The following CLMP variants were observed in gnomAD, a reference collection of about 807,000 sequenced individuals.
CLMP encodes CXADR-like membrane protein.
A neutral mutation model predicts 45.2 loss-of-function variants in CLMP; 27 were observed. That is an observed-to-expected ratio of 0.60 (90% CI 0.44 to 0.82). The LOEUF is 0.82. Among genes scored for constraint, CLMP ranks in the 40% least tolerant of loss-of-function variants. The pLI is 0.00. For missense variants in CLMP, 403 were observed against 448.4 expected, an observed-to-expected ratio of 0.90 and a Z score of 0.91; for synonymous variants, 167 against 171.4, an observed-to-expected ratio of 0.97 and a Z score of 0.20.
At chr11:123,157,761 C>T (rs1270736766) in intron 1 of CLMP, among the ~76,000 whole-genome samples, 1 of 149,174 alleles carries the variant, frequency 6.7e-6, no homozygotes, top group Admixed American at 6.7e-5. Context: ...TAGTGAAGGC[C>T]CAAAGTGGAG....
intron 1 of CLMP, among the ~76,000 whole-genome samples, chr11:123,120,231 G>T (rs914245437): frequency 1.1e-4 from 16 of 151,932 alleles, no homozygotes; most frequent in African/African-American, 3.1e-4. Context: ...GACCAACCTG[G>T]GCAACACAGT....
chr11:123,150,491 GGA>G (rs775001947), intron 1 of CLMP, among the ~76,000 whole-genome samples: 3 of 115,166 alleles, frequency 2.6e-5, no homozygotes, highest in African/African-American at 7.0e-5. Context: ...AAGGAAGGAA[GGA>G]AGGAAGGAAG....
intron 1 of CLMP, among the ~76,000 whole-genome samples, chr11:123,192,266 A>G (rs1349178256): frequency 6.6e-6 from 1 of 152,246 alleles, no homozygotes; most frequent in Non-Finnish European, 1.5e-5. Context: ...TATACTCAAC[A>G]CTAAAAGCAA....
chr11:123,172,206 G>C (rs1861644773), intron 1 of CLMP, among the ~76,000 whole-genome samples: 1 of 151,740 alleles, frequency 6.6e-6, no homozygotes, highest in Non-Finnish European at 1.5e-5. Context: ...GTGCCTCCTG[G>C]GGTCAAGTGA....
chr11:123,082,403 G>A (rs771680469), intron 5 of CLMP, among the ~76,000 whole-genome samples: 13 of 152,226 alleles, frequency 8.5e-5, no homozygotes, highest in South Asian at 2.1e-4. Flanking sequence ...CCGTGTCTCA[G>A]GTTAAAGCAA....
rs1162318365 is a variant in CLMP, at chr11:123,194,957, G to A, written c.-17C>T. 2 of 1,611,444 alleles carry A rather than the reference G, an allele frequency of 1.2e-6. No individual in the cohort carries two copies. Among genetic ancestry groups the A allele is most frequent in the Non-Finnish European group, 8.5e-7 (1 of 1,178,858 alleles). On this transcript the variant is annotated 5_prime_UTR_variant, in exon 1 of 7. Coordinates refer to ENST00000448775, the MANE Select transcript of CLMP (RefSeq NM_024769.5). The stretch of plus-strand genomic sequence containing the variant: ...GAGGGACATCCCGATCCCCGGACGC[G>A]GGCGCTTCCCCGCTCAGCTGCTGCT...
intron 1 of CLMP, among the ~76,000 whole-genome samples, chr11:123,150,623 A>G (rs200300523): frequency 6.9e-6 from 1 of 145,060 alleles, no homozygotes; most frequent in Non-Finnish European, 1.5e-5. Context: ...GGAAGGAAGG[A>G]AAGGAAGGAA....
intron 5 of CLMP, 104 bp downstream of exon 5, chr11:123,082,981 T>G: frequency 7.2e-7 from 1 of 1,387,536 alleles, no homozygotes; most frequent in Non-Finnish European, 9.9e-7. Flanking sequence ...AGATAAAGAT[T>G]TTGACCTTAA....
intron 1 of CLMP, among the ~76,000 whole-genome samples, chr11:123,165,544 C>A (rs1444781611): frequency 1.3e-5 from 2 of 152,184 alleles, no homozygotes; most frequent in Non-Finnish European, 2.9e-5. Context: ...TTTTCTGCAT[C>A]CTGGCAGGTG....
At chr11:123,097,759 A>G in intron 2 of CLMP, 36 bp downstream of exon 2, 1 of 1,489,028 alleles carries the variant, frequency 6.7e-7, no homozygotes, top group South Asian at 1.3e-5. Context: ...CAGGAGGACA[A>G]GAAGGAGGAG....
intron 1 of CLMP, among the ~76,000 whole-genome samples, chr11:123,165,075 G>A (rs761370340): frequency 1.2e-4 from 19 of 152,172 alleles, no homozygotes; most frequent in Non-Finnish European, 2.2e-4. Flanking sequence ...CAGGCTACGC[G>A]TCTGATAAAA....
chr11:123,082,787 A>G (rs913678267), intron 5 of CLMP, among the ~76,000 whole-genome samples: 5 of 151,668 alleles, frequency 3.3e-5, no homozygotes, highest in African/African-American at 1.2e-4. Flanking sequence ...TTTGTATTTT[A>G]GTAGAAACGG....
intron 2 of CLMP, among the ~76,000 whole-genome samples, chr11:123,090,019 G>A (rs1313422593): frequency 1.3e-5 from 2 of 151,098 alleles, no homozygotes; most frequent in Non-Finnish European, 2.9e-5. Context: ...AACCTGGGAG[G>A]CGGAGGTTGC....
rs549772998 is a variant in CLMP, at chr11:123,144,835, G to C, written c.29-46883C>G. Among the ~76,000 whole-genome samples the C allele has an allele frequency of 3.3e-5, 5 of 152,272 alleles. 1 individual carries two copies. The South Asian group carries it at 8.3e-4, about 25-fold the overall frequency. On this transcript the variant is annotated intron_variant, in intron 1 of 6. Coordinates refer to ENST00000448775, the MANE Select transcript of CLMP (RefSeq NM_024769.5). Reference sequence around the variant, plus strand: ...TGCATATGGACCTCAGGTACAAGCTGGTGGATCCCTTTCGACCCCATTCCT... The same window carrying C: ...TGCATATGGACCTCAGGTACAAGCTCGTGGATCCCTTTCGACCCCATTCCT...
intron 1 of CLMP, among the ~76,000 whole-genome samples, chr11:123,159,361 G>T (rs1861455533): frequency 6.6e-6 from 1 of 152,220 alleles, no homozygotes; most frequent in Non-Finnish European, 1.5e-5. Flanking sequence ...GGGCAAGCCT[G>T]CATGTGACAG....
chr11:123,150,533 A>C (rs1591478705), intron 1 of CLMP, among the ~76,000 whole-genome samples: 1 of 114,104 alleles, frequency 8.8e-6, no homozygotes, highest in East Asian at 3.3e-4. Context: ...GGAAGGAAAG[A>C]AACAAGCAAG....
Position 123,074,559 on chromosome 11 carries a change from AGGCTG to A in CLMP, c.821+138_821+142del, listed in dbSNP as rs995101911. 9 of 793,744 alleles carry A rather than the reference AGGCTG, an allele frequency of 1.1e-5. No individual in the cohort carries two copies. In the African/African-American group the frequency reaches 1.4e-4, roughly 12 times the overall value. 49.2% of individuals were successfully genotyped at this position (793,744 alleles called of 1,614,324 possible). A position where few individuals can be genotyped will look rare whatever the true frequency, so the allele number is the denominator to read the frequency against. On this transcript the variant is annotated intron_variant, in intron 6 of 6. Coordinates refer to ENST00000448775, the MANE Select transcript of CLMP (RefSeq NM_024769.5). ...CAGGTAAACCATACCCTCTGTCCCTAGGCTGGAACTTCCTACCTACCAGGATAATC... is the reference window on the plus strand; with the variant it reads ...CAGGTAAACCATACCCTCTGTCCCTAGAACTTCCTACCTACCAGGATAATC...
At chr11:123,104,349 G>A (rs1860504240) in intron 1 of CLMP, among the ~76,000 whole-genome samples, 1 of 151,370 alleles carries the variant, frequency 6.6e-6, no homozygotes, top group African/African-American at 2.4e-5. Flanking sequence ...CCAAAGTCTA[G>A]GATTACAGGC....
intron 5 of CLMP, among the ~76,000 whole-genome samples, chr11:123,081,047 G>A (rs1865798386): frequency 6.6e-6 from 1 of 152,102 alleles, no homozygotes; most frequent in African/African-American, 2.4e-5. Context: ...TCGCTACTCG[G>A]GAGGCTGAAG....
Sources: allele counts gnomAD v4.1 joint callset (sites outside exome capture counted in the v4.1 genomes callset), GRCh38; gene constraint gnomAD v4.1.1; transcripts MANE v1.5; gene names NCBI Gene and HGNC (gene_info 2026-07-23, HGNC 2026-07-21).